EXOC2: variants seen among roughly 807,000 people sequenced by gnomAD.
EXOC2 encodes the protein SEC5-like 1.
A neutral mutation model predicts 131.8 loss-of-function variants in EXOC2; 70 were observed. The ratio of observed to expected loss-of-function variants is 0.53; its 90% confidence interval spans 0.44 to 0.65. EXOC2 has a LOEUF of 0.65. EXOC2 is among the 30% of genes least tolerant of loss of function. EXOC2 has a pLI of 0.00. For missense variants in EXOC2, 923 were observed against 1,108.6 expected (o/e 0.83, Z 2.38); for synonymous variants, 411 against 398.4 (o/e 1.03, Z -0.38).
chr6:538,600 GTC>G (rs139246954), intron 22 of EXOC2, among the ~76,000 whole-genome samples: 21,481 of 152,080 alleles, frequency 0.14, 1,626 homozygotes, highest in African/African-American at 0.19. Context: ...TAGGGCAGGT[GTC>G]TCTAACAAAA....
At chr6:589,146 T>A (rs1759381528) in intron 11 of EXOC2, among the ~76,000 whole-genome samples, 1 of 152,268 alleles carries the variant, frequency 6.6e-6, no homozygotes, top group South Asian at 2.1e-4. Context: ...ATATCCTATC[T>A]GTATCCAGTG....
chr6:610,273 C>T, intron 6 of EXOC2, 95 bp from the exon 7 acceptor site: 1 of 1,105,996 alleles, frequency 9.0e-7, no homozygotes, highest in Non-Finnish European at 1.3e-6. Flanking sequence ...TTAAAATGGT[C>T]ATATTATTTT....
intron 22 of EXOC2, among the ~76,000 whole-genome samples, chr6:542,405 G>C (rs2493045): frequency 6.6e-6 from 1 of 152,322 alleles, no homozygotes; most frequent in East Asian, 1.9e-4. Context: ...AGGAGAAAGA[G>C]GACGGTACGG....
chr6:681,435 C>T (rs912689614), intron 1 of EXOC2, among the ~76,000 whole-genome samples: 8 of 152,134 alleles, frequency 5.3e-5, no homozygotes, highest in Non-Finnish European at 8.8e-5. Flanking sequence ...TTTGTAGGTG[C>T]AGATCTTTAA....
intron 1 of EXOC2, among the ~76,000 whole-genome samples, chr6:680,700 G>C (rs1269311163): frequency 6.6e-6 from 1 of 152,116 alleles, no homozygotes; most frequent in African/African-American, 2.4e-5. Flanking sequence ...TGGGCTGGGG[G>C]TGGTGCTCAT....
At chr6:564,727 C>T (rs1207463435) in intron 14 of EXOC2, 25 bp from the exon 15 acceptor site, 1 of 1,584,496 alleles carries the variant, frequency 6.3e-7, no homozygotes, top group South Asian at 1.2e-5. Context: ...ACAAGCATAA[C>T]CGTGTTCAAA....
chr6:616,812 G>A (rs914226700), intron 6 of EXOC2, among the ~76,000 whole-genome samples: 5 of 150,976 alleles, frequency 3.3e-5, no homozygotes, highest in East Asian at 2.0e-4. Context: ...GCGCGATCTC[G>A]GCTCACTGCA....
chr6:488,199 T>TC (rs941997978), intron 27 of EXOC2, among the ~76,000 whole-genome samples: 16 of 151,790 alleles, frequency 1.1e-4, no homozygotes, highest in South Asian at 4.2e-4. Flanking sequence ...ATGTGACAGC[T>TC]CCCCCCCATG....
intron 1 of EXOC2, among the ~76,000 whole-genome samples, chr6:650,612 G>A (rs1286908721): frequency 6.6e-6 from 1 of 152,102 alleles, no homozygotes; most frequent in East Asian, 1.9e-4. Context: ...CTAAGTAGAA[G>A]AATAAATTAT....
intron 6 of EXOC2, among the ~76,000 whole-genome samples, chr6:615,705 G>C (rs1760960746): frequency 6.8e-6 from 1 of 146,126 alleles, no homozygotes; most frequent in Non-Finnish European, 1.5e-5. Flanking sequence ...GGGCAACAGA[G>C]TGAGACTCCA....
intron 4 of EXOC2, among the ~76,000 whole-genome samples, chr6:628,376 T>C (rs963366448): frequency 6.6e-6 from 1 of 152,188 alleles, no homozygotes; most frequent in Non-Finnish European, 1.5e-5. Flanking sequence ...ACCTGACACT[T>C]ATTAGGAACA....
At chr6:567,013 C>A (rs1454635311) in intron 13 of EXOC2, among the ~76,000 whole-genome samples, 3 of 152,248 alleles carry the variant, frequency 2.0e-5, no homozygotes, top group African/African-American at 7.2e-5. Context: ...AACCTACCAA[C>A]TGCTCTCCAA....
At chr6:494,519 CTGA>C (rs558302540) in intron 25 of EXOC2, among the ~76,000 whole-genome samples, 50 of 151,800 alleles carry the variant, frequency 3.3e-4, no homozygotes, top group African/African-American at 1.1e-3. Context: ...TGAGTTTTGA[CTGA>C]TGTATACACC....
At position 506,090 on chromosome 6, in the gene EXOC2, CT is replaced by C. The variant is rs1294100482; in HGVS notation, c.2381-6391del. 4.6e-5 allele frequency among the ~76,000 whole-genome samples: 7 copies of C among 152,174 alleles called. No homozygotes were observed. Among genetic ancestry groups the C allele is most frequent in the Non-Finnish European group, 7.3e-5 (5 of 68,030 alleles). On this transcript the variant is annotated intron_variant, in intron 23 of 27. Transcript: ENST00000230449. This position sits in a 1 kb window ranked among gnomAD's most constrained non-coding sequence, Gnocchi z 4.4. ...TCTCTCGCTTCTCACAAAGACAGTC[CT>C]TTTGAGCATCAGGATCCATTTGAAA...
intron 8 of EXOC2, 25 bp downstream of exon 8, chr6:599,055 G>A (rs773909849): frequency 1.3e-6 from 2 of 1,588,478 alleles, no homozygotes; most frequent in Non-Finnish European, 1.7e-6. Context: ...ACAACCATAT[G>A]TAAATAAATA....
intron 4 of EXOC2, among the ~76,000 whole-genome samples, chr6:626,886 C>A (rs2127696216): frequency 6.6e-6 from 1 of 152,316 alleles, no homozygotes; most frequent in Non-Finnish European, 1.5e-5. Flanking sequence ...AGCCACCACG[C>A]CCGGCCGCAA....
chr6:671,351 CAACAAAAAAA>C (rs1763857480), intron 1 of EXOC2, among the ~76,000 whole-genome samples: 3 of 147,252 alleles, frequency 2.0e-5, no homozygotes, highest in Non-Finnish European at 3.0e-5. Flanking sequence ...ACAACAACAA[CAACAAAAAAA>C]AACAAAAAAA....
chr6:654,568 GGCGGGAGGATT>G (rs1427250887), intron 1 of EXOC2, among the ~76,000 whole-genome samples: 2 of 151,984 alleles, frequency 1.3e-5, no homozygotes, highest in Non-Finnish European at 2.9e-5. Flanking sequence ...GGAAGGCTAA[GGCGGGAGGATT>G]GCTTGAGGAC....
chr6:626,346 C>T lies in EXOC2; in HGVS notation c.422+3489G>A, dbSNP rs9504499. Among the ~76,000 whole-genome samples the T allele has an allele frequency of 4.2e-3, 632 of 152,170 alleles. 2 individuals are homozygous for T. The highest frequency in any genetic ancestry group is 0.015 in the African/African-American group (610 of 41,496). The stretch of plus-strand genomic sequence containing the variant: ...AAAAAAGCATGCAGCCTGGGTCCAC[C>T]GGTAAAATATTTATTAAACTCTGAC... On this transcript the variant is annotated intron_variant, in intron 4 of 27. Transcript: ENST00000230449.
Sources: allele counts gnomAD v4.1 joint callset (sites outside exome capture counted in the v4.1 genomes callset), GRCh38; gene constraint gnomAD v4.1.1; non-coding constraint Gnocchi (gnomAD v3.1); transcripts MANE v1.5; gene names NCBI Gene and HGNC (gene_info 2026-07-23, HGNC 2026-07-21).